The following CACNA1S variants were observed in gnomAD, a reference collection of about 807,000 sequenced individuals.
The protein encoded by CACNA1S is voltage-dependent L-type calcium channel subunit alpha-1S.
Under a neutral mutation model 207.4 loss-of-function variants are expected in CACNA1S, and 126 were observed. The observed-to-expected ratio is 0.61, with a 90% CI of 0.53 to 0.70. The LOEUF is 0.70. Ranked by LOEUF, CACNA1S falls within the 30% of genes least tolerant of loss-of-function variation. CACNA1S has a pLI of 0.00. For synonymous variants in CACNA1S, 960 were observed against 932.7 expected, an observed-to-expected ratio of 1.03 and a Z score of -0.53; for missense variants, 2,349 against 2,422.8, an observed-to-expected ratio of 0.97 and a Z score of 0.64.
intron 40 of CACNA1S, among the ~76,000 whole-genome samples, chr1:201,042,579 C>T (rs532018417): frequency 1.2e-4 from 18 of 152,356 alleles, no homozygotes; most frequent in African/African-American, 4.1e-4. Flanking sequence ...GTACATGCAC[C>T]CTTCAAGGCT....
chr1:201,047,249 A>G lies in CACNA1S; in HGVS notation c.4544-10T>C. 1 of 1,614,160 alleles carries G rather than the reference A, an allele frequency of 6.2e-7. No individual in the cohort carries two copies. The highest frequency in any genetic ancestry group is 8.5e-7 in the Non-Finnish European group (1 of 1,180,022). On this transcript the variant is annotated splice_polypyrimidine_tract_variant and intron_variant, in intron 37 of 43. Transcript: ENST00000362061. ...ACTGTCACCTCATCATCTGCAGAGG[A>G]GCCAACAAGAGATGCCCTGAAGGCT...
intron 11 of CACNA1S, among the ~76,000 whole-genome samples, 184 bp from the exon 12 acceptor site, chr1:201,077,311 T>C (rs1186119949): frequency 1.3e-5 from 2 of 152,228 alleles, no homozygotes; most frequent in South Asian, 2.1e-4. Flanking sequence ...AGAGCACTTG[T>C]CTGTTTGTAA....
chr1:201,089,591 A>C, intron 5 of CACNA1S, 128 bp from the exon 6 acceptor site: 1 of 900,898 alleles, frequency 1.1e-6, no homozygotes, highest in Non-Finnish European at 1.8e-6. Flanking sequence ...GAAAATGCAA[A>C]AGACAGCTTC....
chr1:201,110,033 G>A, intron 2 of CACNA1S, 131 bp downstream of exon 2: 1 of 823,966 alleles, frequency 1.2e-6, no homozygotes, highest in Non-Finnish European at 2.1e-6. Context: ...CAGGTGGCTG[G>A]GGATGCAGGG....
intron 27 of CACNA1S, among the ~76,000 whole-genome samples, chr1:201,058,827 A>G (rs1212820555): frequency 6.6e-6 from 1 of 152,178 alleles, no homozygotes; most frequent in African/African-American, 2.4e-5. Context: ...GGGGCTTGAC[A>G]GTGCGGAACT....
rs4915477 is a variant in CACNA1S at position 201,077,947 on chromosome 1, A to G, written c.1551T>C (p.Gly517=). 0.63 allele frequency: 1,024,076 copies of G among 1,613,174 alleles called. 337,643 individuals are homozygous for G. The highest frequency in any genetic ancestry group is 0.9 in the African/African-American group (67,317 of 74,998). The change falls in exon 11 of 44, where the codon GGT becomes GGC. Residue 517 remains glycine (G), a synonymous_variant. Coordinates refer to ENST00000362061, the MANE Select transcript of CACNA1S (RefSeq NM_000069.3). ...CGGAGATGCCCAGGGGTGTCATGGC[A>G]CCCGACTCCACCAGCAGGATCTCCA... ...GILEILLVES[G]AMTPLGISVL...
At chr1:201,070,908 T>C (rs1359082787) in intron 16 of CACNA1S, among the ~76,000 whole-genome samples, 1 of 152,122 alleles carries the variant, frequency 6.6e-6, no homozygotes, top group Non-Finnish European at 1.5e-5. Flanking sequence ...TCTCCTGGGC[T>C]AGGATTTTAA....
intron 3 of CACNA1S, among the ~76,000 whole-genome samples, chr1:201,092,414 C>T (rs566408290): frequency 1.3e-5 from 2 of 152,156 alleles, no homozygotes; most frequent in South Asian, 2.1e-4. Flanking sequence ...AGTCCCTGGC[C>T]CTGGGGCTGA....
intron 22 of CACNA1S, among the ~76,000 whole-genome samples, chr1:201,063,279 G>C (rs1244032433): frequency 1.3e-5 from 2 of 151,840 alleles, no homozygotes; most frequent in African/African-American, 4.8e-5. Flanking sequence ...ATGTTTGAAG[G>C]AAAGTAGTGG....
chr1:201,098,278 A>G (rs1662510952), intron 2 of CACNA1S, among the ~76,000 whole-genome samples: 1 of 152,216 alleles, frequency 6.6e-6, no homozygotes, highest in African/African-American at 2.4e-5. Context: ...GCGGCTGCAC[A>G]CCGTCGATAT....
chr1:201,104,493 A>T (rs1662802007), intron 2 of CACNA1S, among the ~76,000 whole-genome samples: 1 of 152,360 alleles, frequency 6.6e-6, no homozygotes, highest in South Asian at 2.1e-4. Flanking sequence ...ATTGCCCTGT[A>T]GGACATTAAC....
At chr1:201,093,394 G>A (rs1662310399) in intron 3 of CACNA1S, among the ~76,000 whole-genome samples, 1 of 152,234 alleles carries the variant, frequency 6.6e-6, no homozygotes, top group African/African-American at 2.4e-5. Flanking sequence ...CTCCAGAACT[G>A]TGAGAAATAG....
chr1:201,086,902 C>T (rs926483133), intron 7 of CACNA1S, among the ~76,000 whole-genome samples: 1 of 152,114 alleles, frequency 6.6e-6, no homozygotes. Context: ...TGGTTTGTTG[C>T]CTATGTTCAT....
intron 2 of CACNA1S, among the ~76,000 whole-genome samples, chr1:201,109,860 C>T (rs1663031576): frequency 6.6e-6 from 1 of 152,218 alleles, no homozygotes; most frequent in Non-Finnish European, 1.5e-5. Flanking sequence ...TCAAATGGAA[C>T]CACTTTATGA....
chr1:201,066,046 T>G lies in CACNA1S; in HGVS notation c.2746-101A>C, dbSNP rs764880495. The G allele has an allele frequency of 1.0e-6, 1 of 974,956 alleles. No homozygotes were observed. The highest frequency in any genetic ancestry group is 1.6e-6 in the Non-Finnish European group (1 of 619,972). 60.4% of individuals were successfully genotyped at this position (974,956 alleles called of 1,614,324 possible). A position where few individuals can be genotyped will look rare whatever the true frequency, so the allele number is the denominator to read the frequency against. On this transcript the variant is annotated intron_variant, in intron 21 of 43. Transcript: ENST00000362061. This position sits in a 1 kb window ranked among gnomAD's most constrained non-coding sequence, Gnocchi z 4.3. ...GAGTGCAAGACTTGCTGCCTCCTGA[T>G]GAGTTGGAGGTGGGGAAAGGCTGGT...
chr1:201,062,399 CGTG>C lies in CACNA1S; in HGVS notation c.2906+60_2906+62del. The C allele has an allele frequency of 8.6e-6, 13 of 1,512,866 alleles. No homozygotes were observed. In the African/African-American group the frequency reaches 9.6e-5, roughly 11 times the overall value. 93.7% of individuals were successfully genotyped at this position (1,512,866 alleles called of 1,614,324 possible). ...AACCCTCCCACAGTGCTCCCTGCCC[CGTG>C]ACTGTCCCACCATGCTCCCTGCCCC... On this transcript the variant is annotated intron_variant, in intron 23 of 43. Coordinates refer to ENST00000362061, the MANE Select transcript of CACNA1S (RefSeq NM_000069.3).
Position 201,052,773 on chromosome 1 carries a change from C to T in CACNA1S, c.3862-125G>A, listed in dbSNP as rs183096707. ...TACTTCCCCAAAATTCCCTTCATTG[C>T]GGGCCACATCAGACCTGAAGCCAAA... On this transcript the variant is annotated intron_variant, in intron 31 of 43. Coordinates refer to ENST00000362061, the MANE Select transcript of CACNA1S (RefSeq NM_000069.3). The T allele has an allele frequency of 1.8e-4, 141 of 794,038 alleles. 1 individual carries two copies. In the African/African-American group the frequency reaches 1.8e-3, roughly 10 times the overall value. 49.2% of individuals were successfully genotyped at this position (794,038 alleles called of 1,614,324 possible).
At chr1:201,042,945 A>G (rs1448357309) in intron 40 of CACNA1S, 1 of 320,612 alleles carries the variant, frequency 3.1e-6, no homozygotes, top group Non-Finnish European at 6.0e-6. Context: ...TATTGTCCAC[A>G]GTCTTTTGTG....
chr1:201,048,979 C>T, intron 35 of CACNA1S, 24 bp downstream of exon 35: 1 of 1,586,218 alleles, frequency 6.3e-7, no homozygotes, highest in Non-Finnish European at 8.7e-7. Context: ...CCTGGGGCCA[C>T]CCATCCCTGG....
Sources: allele counts gnomAD v4.1 joint callset (sites outside exome capture counted in the v4.1 genomes callset), GRCh38; gene constraint gnomAD v4.1.1; non-coding constraint Gnocchi (gnomAD v3.1); transcripts MANE v1.5; gene names NCBI Gene and HGNC (gene_info 2026-07-23, HGNC 2026-07-21).